TUBGCP5: variants seen among roughly 807,000 people sequenced by gnomAD.
TUBGCP5 encodes the protein tubulin gamma complex component 5.
Under a neutral mutation model 134.7 loss-of-function variants are expected in TUBGCP5, and 98 were observed. The ratio of observed to expected loss-of-function variants is 0.73; its 90% confidence interval spans 0.62 to 0.86. The LOEUF (loss-of-function observed/expected upper bound fraction) is 0.86, where lower values mean the gene tolerates loss of function less well. TUBGCP5 is among the 40% of genes least tolerant of loss of function. The probability of loss-of-function intolerance (pLI) is 0.00; values close to 1 mark genes in which losing one functional copy is unlikely to be tolerated. For missense variants in TUBGCP5, 1,150 were observed against 1,244.8 expected, an observed-to-expected ratio of 0.92 and a Z score of 1.15; for synonymous variants, 456 against 431.4, an observed-to-expected ratio of 1.06 and a Z score of -0.71.
intron 23 of TUBGCP5, among the ~76,000 whole-genome samples, chr15:22,992,650 A>C (rs1424707145): frequency 6.6e-6 from 1 of 152,072 alleles, no homozygotes; most frequent in Non-Finnish European, 1.5e-5. Flanking sequence ...GATGACACTA[A>C]AGTGCTTTGA....
chr15:22,989,718 T>G (rs1398470363), intron 23 of TUBGCP5, among the ~76,000 whole-genome samples: 2 of 152,082 alleles, frequency 1.3e-5, no homozygotes, highest in African/African-American at 2.4e-5. Flanking sequence ...ATCCCTCCAT[T>G]CCACAATAGC....
At chr15:23,009,437 T>C (rs190555691) in intron 15 of TUBGCP5, among the ~76,000 whole-genome samples, 1 of 151,800 alleles carries the variant, frequency 6.6e-6, no homozygotes, top group Non-Finnish European at 1.5e-5. Context: ...CCCGGCGAAT[T>C]TTTTGTATTT....
At chr15:23,018,689 C>A (rs950134851) in intron 12 of TUBGCP5, among the ~76,000 whole-genome samples, 1 of 152,028 alleles carries the variant, frequency 6.6e-6, no homozygotes, top group Non-Finnish European at 1.5e-5. Context: ...TAAAAGAGTA[C>A]AAATAGCTCT....
At chr15:23,020,612 A>C (rs944220073) in intron 11 of TUBGCP5, among the ~76,000 whole-genome samples, 1 of 151,880 alleles carries the variant, frequency 6.6e-6, no homozygotes, top group Non-Finnish European at 1.5e-5. Context: ...AAAAAGAAAA[A>C]AAGAAATATG....
chr15:23,039,243 G>A (rs1002067287), intron 1 of TUBGCP5, among the ~76,000 whole-genome samples, 155 bp downstream of exon 1: 22 of 151,836 alleles, frequency 1.4e-4, no homozygotes, highest in Admixed American at 8.5e-4. Flanking sequence ...GGCCGGCGGG[G>A]AGCAGGCGGT....
chr15:23,037,220 C>G, intron 1 of TUBGCP5, 68 bp from the exon 2 acceptor site: 1 of 1,416,644 alleles, frequency 7.1e-7, no homozygotes, highest in Non-Finnish European at 9.9e-7. Flanking sequence ...ATCTCATGGC[C>G]CTCCATATCC....
chr15:22,989,955 C>T (rs886266470), intron 23 of TUBGCP5, among the ~76,000 whole-genome samples: 4 of 152,166 alleles, frequency 2.6e-5, no homozygotes, highest in African/African-American at 9.7e-5. Context: ...ACACGTCTCC[C>T]TGGTGCCCGC....
intron 11 of TUBGCP5, among the ~76,000 whole-genome samples, chr15:23,020,500 C>T (rs2065610979): frequency 7.0e-6 from 1 of 143,200 alleles, no homozygotes; most frequent in African/African-American, 2.6e-5. Context: ...GCAGAAGAAT[C>T]ACTTGAACCT....
At chr15:22,998,860 G>A (rs552039389), downstream of TUBGCP5, among the ~76,000 whole-genome samples, 5 of 151,964 alleles carry the variant, frequency 3.3e-5, no homozygotes, top group South Asian at 2.1e-4. Context: ...CAGATGATCC[G>A]CCCACCTCGG....
rs892012021 is a variant in TUBGCP5, at chr15:23,037,022, G to A, written c.201-17C>T. 8 of 1,593,566 alleles carry A rather than the reference G, an allele frequency of 5.0e-6. No individual in the cohort carries two copies. In the Middle Eastern group the frequency reaches 5.2e-4, roughly 104 times the overall value. Reference sequence around the variant, plus strand: ...TCATAAATTCTAAAATATAAGAAAAGATTATAAAGCTATCTTAAAAAGATC... The same window carrying A: ...TCATAAATTCTAAAATATAAGAAAAAATTATAAAGCTATCTTAAAAAGATC... On this transcript the variant is annotated splice_polypyrimidine_tract_variant and intron_variant, in intron 2 of 22. Coordinates refer to ENST00000615383, the MANE Select transcript of TUBGCP5 (RefSeq NM_052903.6).
In TUBGCP5 at chr15:23,024,067, G is replaced by C. The variant is rs1440625407; in HGVS notation, c.1048C>G (p.Pro350Ala). 1 of 1,614,094 alleles carries C rather than the reference G, an allele frequency of 6.2e-7. No homozygotes were observed. ...ESMLPGSGSV[P>A]KKSTEAPFRT... ...AAGGGAGCTTCAGTTGACTTCTTAGGAACAGACCCACTTCCAGGCAGCATG... is the reference window on the plus strand; with the variant it reads ...AAGGGAGCTTCAGTTGACTTCTTAGCAACAGACCCACTTCCAGGCAGCATG... The change falls in exon 10 of 23, where the codon CCT becomes GCT. Residue 350 changes from proline (P) to alanine (A), a missense_variant. By Grantham distance (27) the Pro-to-Ala change is conservative. Coordinates refer to ENST00000615383, the MANE Select transcript of TUBGCP5 (RefSeq NM_052903.6).
chr15:23,005,845 G>C (rs2064677325), intron 18 of TUBGCP5: 4 of 675,100 alleles, frequency 5.9e-6, no homozygotes, highest in Non-Finnish European at 9.7e-6. Context: ...ACAACTTCCT[G>C]ATCTTTCTTT....
intron 6 of TUBGCP5, among the ~76,000 whole-genome samples, chr15:23,029,708 AC>A (rs2066191036): frequency 6.6e-6 from 1 of 150,426 alleles, no homozygotes; most frequent in African/African-American, 2.4e-5. Context: ...ACATGGTGAA[AC>A]CCTGTCTCTA....
chr15:23,030,131 G>T (rs1177589900), intron 6 of TUBGCP5, among the ~76,000 whole-genome samples: 1 of 152,092 alleles, frequency 6.6e-6, no homozygotes, highest in East Asian at 1.9e-4. Context: ...GGAGGCAGAG[G>T]TTGCAGTGAG....
intron 21 of TUBGCP5, among the ~76,000 whole-genome samples, chr15:23,001,413 C>T (rs1382073425): frequency 2.0e-5 from 3 of 151,558 alleles, no homozygotes; most frequent in Non-Finnish European, 4.4e-5. Context: ...GATCTCGGCT[C>T]ACCACACCAC....
Position 23,019,229 on chromosome 15 carries a change from T to C in TUBGCP5, c.1477A>G (p.Ile493Val), listed in dbSNP as rs754227064. Residue 493 changes from isoleucine to valine, a missense_variant, in exon 12 of 23, where the codon ATC (isoleucine) becomes GTC (valine). Transcript: ENST00000615383. ...GHLWDGAREF[I>V]IQRNKNVPVN... ...TCTGCTGCAGCTCACCTCTGGATGA[T>C]GAACTCCCTGGCGCCATCCCACAGG... 6.2e-7 allele frequency: 1 copy of C among 1,613,190 alleles called. No individual in the cohort carries two copies.
In TUBGCP5 at chr15:22,989,919, T is replaced by G. The variant is rs532823857; in HGVS notation, c.*62-6308A>C. Among the ~76,000 whole-genome samples, 10 of 152,256 alleles carry G rather than the reference T, an allele frequency of 6.6e-5. No homozygotes were observed. In the South Asian group the frequency reaches 2.1e-3, roughly 32 times the overall value. ...TTTTATTTCTTCTGCAGTGAAAACATGTGGACTCCAACCAAGAACCCAACC... is the reference window on the plus strand; with the variant it reads ...TTTTATTTCTTCTGCAGTGAAAACAGGTGGACTCCAACCAAGAACCCAACC... On this transcript the variant is annotated intron_variant and NMD_transcript_variant, in intron 23 of 23. Transcript: ENST00000614508.
At position 23,039,421 on chromosome 15, in the gene TUBGCP5, T is replaced by C. The variant is rs751511622; in HGVS notation, c.123A>G (p.Leu41=). Residue 41 remains leucine, a synonymous_variant, in exon 1 of 23, where the codon CTA becomes CTG. Transcript: ENST00000615383. ...DEADPNFQLA[L]NFAWSNFRFH... ...ACCTGAAGTTGGACCAGGCGAAGTT[T>C]AGGGCGAGCTGGAAGTTGGGGTCTG... 3.3e-6 allele frequency: 5 copies of C among 1,526,376 alleles called. No homozygotes were observed. The highest frequency in any genetic ancestry group is 4.4e-6 in the Non-Finnish European group (5 of 1,131,208). The allele number at this position is 1,526,376 out of a possible 1,614,324, so 94.6% of individuals were successfully genotyped here. A position where few individuals can be genotyped will look rare whatever the true frequency, so the allele number is the denominator to read the frequency against.
At chr15:22,992,031 G>A (rs2063859903) in intron 23 of TUBGCP5, among the ~76,000 whole-genome samples, 1 of 152,142 alleles carries the variant, frequency 6.6e-6, no homozygotes, top group Non-Finnish European at 1.5e-5. Flanking sequence ...AAGTGGGGAG[G>A]TCTGGTCTCT....
Sources: allele counts gnomAD v4.1 joint callset (sites outside exome capture counted in the v4.1 genomes callset), GRCh38; gene constraint gnomAD v4.1.1; transcripts MANE v1.5; gene names NCBI Gene and HGNC (gene_info 2026-07-23, HGNC 2026-07-21).